MARK2: variants seen among roughly 807,000 people sequenced by gnomAD.
MARK2 encodes the protein microtubule affinity regulating kinase 2.
In MARK2, 16 loss-of-function variants were observed where a neutral mutation model predicts 89.8. That is an observed-to-expected ratio of 0.18 (90% CI 0.12 to 0.27). The LOEUF is 0.27. Ranked by LOEUF, MARK2 falls within the 10% of genes least tolerant of loss-of-function variation. MARK2 has a pLI of 1.00. For synonymous variants in MARK2, 382 were observed against 399.5 expected, an observed-to-expected ratio of 0.96 and a Z score of 0.52; for missense variants, 621 against 1,049.9, an observed-to-expected ratio of 0.59 and a Z score of 5.65.
chr11:63,909,312 G>T lies in MARK2; in HGVS notation c.*75G>T. On this transcript the variant is annotated 3_prime_UTR_variant, in exon 19 of 19. Coordinates refer to ENST00000402010, the MANE Select transcript of MARK2 (RefSeq NM_001039469.3). Reference sequence around the variant, plus strand: ...CCGGCCGCTGCGCCGCCCCACCTGGGCGAGACTGCAGCGATGGATTGGTGT... The same window carrying T: ...CCGGCCGCTGCGCCGCCCCACCTGGTCGAGACTGCAGCGATGGATTGGTGT... 7.0e-7 allele frequency: 1 copy of T among 1,434,532 alleles called. No individual in the cohort carries two copies. 88.9% of individuals were successfully genotyped at this position (1,434,532 alleles called of 1,614,324 possible).
At chr11:63,885,232 A>T (rs924821254) in intron 1 of MARK2, among the ~76,000 whole-genome samples, 8 of 151,806 alleles carry the variant, frequency 5.3e-5, no homozygotes, top group Admixed American at 5.2e-4. Flanking sequence ...CAGGCACATG[A>T]CCTTTCTTAA....
chr11:63,862,489 T>G (rs1937861701), intron 1 of MARK2, among the ~76,000 whole-genome samples: 1 of 152,140 alleles, frequency 6.6e-6, no homozygotes, highest in Non-Finnish European at 1.5e-5. Context: ...ACAAATGGCC[T>G]CCTCTGCCTC....
At position 63,902,481 on chromosome 11, in the gene MARK2, G is replaced by A. The variant is rs2134221548; in HGVS notation, c.1235-120G>A. ...ATGGGCAAGCCACTTCCCTTCCCTC[G>A]CCTCTGTGGAATGGGGGCTTGCTGG... On this transcript the variant is annotated intron_variant, in intron 12 of 18. Coordinates refer to ENST00000402010, the MANE Select transcript of MARK2 (RefSeq NM_001039469.3). The surrounding 1 kb of genome is among the most constrained non-coding windows in gnomAD (Gnocchi z 4.2). 5.8e-6 allele frequency: 8 copies of A among 1,372,628 alleles called. No homozygotes were observed. Among genetic ancestry groups the A allele is most frequent in the African/African-American group, 2.9e-5 (2 of 70,060 alleles). The allele number at this position is 1,372,628 out of a possible 1,614,324, so 85.0% of individuals were successfully genotyped here. A position where few individuals can be genotyped will look rare whatever the true frequency, so the allele number is the denominator to read the frequency against.
chr11:63,854,955 C>T (rs1479711267), intron 1 of MARK2, among the ~76,000 whole-genome samples: 1 of 151,916 alleles, frequency 6.6e-6, no homozygotes, highest in African/African-American at 2.4e-5. Flanking sequence ...CTTGAAAGAA[C>T]AACTGATGGA....
In MARK2 at chr11:63,902,712, G is replaced by A. The variant is rs773081608; in HGVS notation, c.1346G>A (p.Ser449Asn). ...EDRESGRKASSTAKVPASPLP... is the reference protein window; with the variant it reads ...EDRESGRKASNTAKVPASPLP... Reference sequence around the variant, plus strand: ...CGGGAGTCAGGGCGGAAAGCCAGCAGCACAGCCAAGGTGCCTGCCAGCCCC... The same window carrying A: ...CGGGAGTCAGGGCGGAAAGCCAGCAACACAGCCAAGGTGCCTGCCAGCCCC... The change falls in exon 13 of 19, where the codon AGC becomes AAC. Residue 449 changes from serine to asparagine, a missense_variant. Transcript: ENST00000402010. This position sits in a 1 kb window ranked among gnomAD's most constrained non-coding sequence, Gnocchi z 4.2. 6.2e-7 allele frequency: 1 copy of A among 1,614,134 alleles called. No individual in the cohort carries two copies. Among genetic ancestry groups the A allele is most frequent in the Non-Finnish European group, 8.5e-7 (1 of 1,180,020 alleles).
intron 16 of MARK2, 42 bp from the exon 17 acceptor site, chr11:63,906,042 TTTTA>T (rs1941300642): frequency 1.5e-6 from 2 of 1,352,726 alleles, no homozygotes; most frequent in Non-Finnish European, 1.9e-6. Context: ...TTGGTTTTTT[TTTTA>T]TTTCTTTTTT....
At position 63,872,721 on chromosome 11, in the gene MARK2, C is replaced by T. The variant is rs1037429297; in HGVS notation, c.55-22438C>T. ...CTTTTCCCAGCTTGTTTGATGTGCA[C>T]GTTCTCCAAAATTCTTATGCAGCTG... On this transcript the variant is annotated intron_variant, in intron 1 of 18. Transcript: ENST00000402010. 5.9e-5 allele frequency among the ~76,000 whole-genome samples: 9 copies of T among 152,294 alleles called. No individual in the cohort carries two copies. In the East Asian group the frequency reaches 9.6e-4, roughly 16 times the overall value.
intron 1 of MARK2, among the ~76,000 whole-genome samples, chr11:63,870,250 A>G (rs906621641): frequency 2.0e-5 from 3 of 152,244 alleles, no homozygotes; most frequent in East Asian, 1.9e-4. Flanking sequence ...TGTATTTTGT[A>G]TTTTTGTGGA....
Position 63,839,270 on chromosome 11 carries a change from C to T in MARK2, c.-237C>T. 3.4e-6 allele frequency: 1 copy of T among 293,302 alleles called. No individual in the cohort carries two copies. Among genetic ancestry groups the T allele is most frequent in the Non-Finnish European group, 6.2e-6 (1 of 160,300 alleles). The allele number at this position is 293,302 out of a possible 1,614,324, so 18.2% of individuals were successfully genotyped here. ...GGCGCGGCCCGGCCGAAAGGCGGCA[C>T]AGCCCAGCCGGGGGTCGGGGGGGTG... On this transcript the variant is annotated 5_prime_UTR_variant, in exon 1 of 19. Coordinates refer to ENST00000402010, the MANE Select transcript of MARK2 (RefSeq NM_001039469.3).
intron 3 of MARK2, among the ~76,000 whole-genome samples, chr11:63,896,702 G>A (rs1298570193): frequency 6.6e-6 from 1 of 152,126 alleles, no homozygotes; most frequent in Non-Finnish European, 1.5e-5. Flanking sequence ...ATCCCTTCAA[G>A]GGTTCTTCAG....
chr11:63,886,981 A>G (rs1199612053), intron 1 of MARK2, among the ~76,000 whole-genome samples: 1 of 152,240 alleles, frequency 6.6e-6, no homozygotes, highest in African/African-American at 2.4e-5. Flanking sequence ...TGAGCCCAGG[A>G]TCCAGTGGGC....
At chr11:63,898,495 G>A (rs1304235170) in intron 4 of MARK2, 113 bp from the exon 5 acceptor site, 1 of 934,448 alleles carries the variant, frequency 1.1e-6, no homozygotes, top group African/African-American at 1.6e-5. Context: ...TTGGGAGTGG[G>A]GGATCATGAA....
rs768575841 is a variant in MARK2 at position 63,900,537 on chromosome 11, C to G, written c.769-22C>G. ...TTGGCCTTGGGGTGATTTCAATTTT[C>G]TAACCCTGGATCCTCCTGCAGGAGC... On this transcript the variant is annotated intron_variant, in intron 8 of 18. Transcript: ENST00000402010. The surrounding 1 kb of genome is among the most constrained non-coding windows in gnomAD (Gnocchi z 4.7). 11 of 1,611,794 alleles carry G rather than the reference C, an allele frequency of 6.8e-6. No individual in the cohort carries two copies. Among genetic ancestry groups the G allele is most frequent in the Non-Finnish European group, 9.3e-6 (11 of 1,178,864 alleles).
intron 1 of MARK2, among the ~76,000 whole-genome samples, chr11:63,845,923 A>G (rs557332573): frequency 9.2e-5 from 14 of 152,066 alleles, no homozygotes; most frequent in African/African-American, 3.4e-4. Context: ...GGGTTTCACC[A>G]TGTTGGCCAG....
At position 63,905,277 on chromosome 11, in the gene MARK2, G is replaced by A. The variant is rs562008811; in HGVS notation, c.1934+234G>A. On this transcript the variant is annotated intron_variant, in intron 16 of 18. Transcript: ENST00000402010. ...TCCTCACAGGCACCCCTCATTCTCT[G>A]GCCCCAAGCAGATGGCCGATGCCGC... Among the ~76,000 whole-genome samples the A allele has an allele frequency of 6.6e-5, 10 of 152,254 alleles. No individual in the cohort carries two copies. The South Asian group carries it at 1.2e-3, about 19-fold the overall frequency.
chr11:63,894,447 AG>A (rs1171429042), intron 1 of MARK2, among the ~76,000 whole-genome samples: 1 of 152,230 alleles, frequency 6.6e-6, no homozygotes, highest in Non-Finnish European at 1.5e-5. Context: ...CTGTAATTCC[AG>A]CACTTTGGGA....
intron 1 of MARK2, among the ~76,000 whole-genome samples, chr11:63,847,096 C>T (rs1015864009): frequency 6.6e-5 from 10 of 152,210 alleles, no homozygotes; most frequent in Admixed American, 3.3e-4. Flanking sequence ...GCATTCCAGC[C>T]TGGGCAACAG....
rs114985355 is a variant in MARK2 at position 63,868,633 on chromosome 11, A to T, written c.55-26526A>T. On this transcript the variant is annotated intron_variant, in intron 1 of 18. Coordinates refer to ENST00000402010, the MANE Select transcript of MARK2 (RefSeq NM_001039469.3). ...AATCGTCTGGCTTCCTGGAGTGGGGACCAGAGCCAGAGAGCCAAGCCCTCC... is the reference window on the plus strand; with the variant it reads ...AATCGTCTGGCTTCCTGGAGTGGGGTCCAGAGCCAGAGAGCCAAGCCCTCC... 983 of 369,704 alleles carry T rather than the reference A, an allele frequency of 2.7e-3. 10 individuals carry two copies. Among genetic ancestry groups the T allele is most frequent in the African/African-American group, 0.015 (714 of 47,600 alleles). The allele number at this position is 369,704 out of a possible 1,614,324, so 22.9% of individuals were successfully genotyped here. A position where few individuals can be genotyped will look rare whatever the true frequency, so the allele number is the denominator to read the frequency against.
rs555634715 is a variant in MARK2, at chr11:63,882,541, G to A, written c.55-12618G>A. ...GGAGGTTGCAGTGAGCCGAGATCAC[G>A]CCATTGCATTCCAGCCTGGGCAACA... On this transcript the variant is annotated intron_variant, in intron 1 of 18. Coordinates refer to ENST00000402010, the MANE Select transcript of MARK2 (RefSeq NM_001039469.3). 16 of 152,202 alleles carry A rather than the reference G, an allele frequency of 1.1e-4. No homozygotes were observed. The East Asian group carries it at 1.4e-3, about 13-fold the overall frequency. The allele number at this position is 152,202 out of a possible 1,614,324, so 9.4% of individuals were successfully genotyped here.
Sources: gnomAD v4.1 joint callset for allele counts (sites outside exome capture counted in the v4.1 genomes callset) on GRCh38, gnomAD v4.1.1 for gene constraint, Gnocchi (gnomAD v3.1) non-coding constraint, MANE v1.5 for transcripts, NCBI Gene and HGNC (gene_info 2026-07-23, HGNC 2026-07-21) for gene names.